Variants in BATF2 observed in about 807,000 individuals in gnomAD.
BATF2 encodes basic leucine zipper ATF-like transcription factor 2.
In BATF2, 4 loss-of-function variants were observed where a neutral mutation model predicts 7.3. The observed-to-expected ratio is 0.55, with a 90% CI of 0.27 to 1.26. BATF2 has a LOEUF of 1.26. Ranked by LOEUF, BATF2 falls within the 50% of genes most tolerant of loss-of-function variation. The probability of loss-of-function intolerance (pLI) is 0.11; values close to 1 mark genes in which losing one functional copy is unlikely to be tolerated. For missense variants in BATF2, 295 were observed against 340.5 expected (o/e 0.87, Z 1.05); for synonymous variants, 152 against 153.9 (o/e 0.99, Z 0.09).
chr11:64,989,051 A>T lies in BATF2; in HGVS notation c.*78T>A. Reference sequence around the variant, plus strand: ...TCAGCCACGCAGGGCAGCACCCAGTAGTGAGGGAGGAGAGGCCCGTGTGCT... The same window carrying T: ...TCAGCCACGCAGGGCAGCACCCAGTTGTGAGGGAGGAGAGGCCCGTGTGCT... On this transcript the variant is annotated 3_prime_UTR_variant, in exon 3 of 3. Transcript: ENST00000301887. The surrounding 1 kb of genome is among the most constrained non-coding windows in gnomAD (Gnocchi z 4.3). 6.7e-7 allele frequency: 1 copy of T among 1,501,704 alleles called. No individual in the cohort carries two copies. The highest frequency in any genetic ancestry group is 9.3e-7 in the Non-Finnish European group (1 of 1,079,338). 93.0% of individuals were successfully genotyped at this position (1,501,704 alleles called of 1,614,324 possible). A position where few individuals can be genotyped will look rare whatever the true frequency, so the allele number is the denominator to read the frequency against.
At chr11:64,990,284 C>A in intron 2 of BATF2, 1 of 1,506,960 alleles carries the variant, frequency 6.6e-7, no homozygotes, top group South Asian at 1.3e-5. Context: ...TGCTCCCCTC[C>A]CTTCCTGACC....
intron 2 of BATF2, among the ~76,000 whole-genome samples, chr11:64,990,782 G>A (rs1021979728): frequency 3.3e-5 from 5 of 152,188 alleles, no homozygotes; most frequent in African/African-American, 1.2e-4. Context: ...ATGTGGTTTT[G>A]GCCCTGGACT....
chr11:64,988,804 C>T lies in BATF2; in HGVS notation c.*325G>A, dbSNP rs1256263834. On this transcript the variant is annotated 3_prime_UTR_variant, in exon 3 of 3. Transcript: ENST00000301887. ...TGGGCCAGGACAGGAGAAGGAGGAG[C>T]AGAGGGTGGTGTTTCGGGCTCCAAG... 2 of 361,134 alleles carry T rather than the reference C, an allele frequency of 5.5e-6. No individual in the cohort carries two copies. Among genetic ancestry groups the T allele is most frequent in the African/African-American group, 2.1e-5 (1 of 47,778 alleles). 22.4% of individuals were successfully genotyped at this position (361,134 alleles called of 1,614,324 possible). A position where few individuals can be genotyped will look rare whatever the true frequency, so the allele number is the denominator to read the frequency against.
In BATF2 at chr11:64,989,987, G is replaced by A; in HGVS notation, c.142-175C>T. Reference sequence around the variant, plus strand: ...CCAGCCCTTCATAACCACCTACCAAGTCTCCCCTGTCCCACCCTCTGAAGG... The same window carrying A: ...CCAGCCCTTCATAACCACCTACCAAATCTCCCCTGTCCCACCCTCTGAAGG... On this transcript the variant is annotated intron_variant, in intron 2 of 2. Coordinates refer to ENST00000301887, the MANE Select transcript of BATF2 (RefSeq NM_138456.4). The surrounding 1 kb of genome is among the most constrained non-coding windows in gnomAD (Gnocchi z 4.3). 6.6e-7 allele frequency: 1 copy of A among 1,506,302 alleles called. No individual in the cohort carries two copies. The highest frequency in any genetic ancestry group is 1.2e-5 in the South Asian group (1 of 83,286). 93.3% of individuals were successfully genotyped at this position (1,506,302 alleles called of 1,614,324 possible). A position where few individuals can be genotyped will look rare whatever the true frequency, so the allele number is the denominator to read the frequency against.
rs1590719439 is a variant in BATF2, at chr11:64,989,342, G to C, written c.612C>G (p.Ala204=). 6.4e-7 allele frequency: 1 copy of C among 1,572,190 alleles called. No individual in the cohort carries two copies. The highest frequency in any genetic ancestry group is 2.2e-5 in the East Asian group (1 of 44,568). Residue 204 remains alanine, a synonymous_variant, in exon 3 of 3, where the codon GCC becomes GCG. Coordinates refer to ENST00000301887, the MANE Select transcript of BATF2 (RefSeq NM_138456.4). This position sits in a 1 kb window ranked among gnomAD's most constrained non-coding sequence, Gnocchi z 4.3. ...GCTCCAGCTCGAGGGGCTGTGGAGGGGCAGTTTGGGCCGTGAGGCTGGGCT... is the reference window on the plus strand; with the variant it reads ...GCTCCAGCTCGAGGGGCTGTGGAGGCGCAGTTTGGGCCGTGAGGCTGGGCT... ...ALQPSLTAQT[A]PPQPLELEHP...
Position 64,989,798 on chromosome 11 carries a change from CAG to C in BATF2, c.154_155del (p.Leu52GlyfsTer29), listed in dbSNP as rs1490659962. 3.2e-5 allele frequency: 51 copies of C among 1,613,662 alleles called. No individual in the cohort carries two copies. Among genetic ancestry groups the C allele is most frequent in the Non-Finnish European group, 4.2e-5 (50 of 1,180,018 alleles). On this transcript the variant is annotated frameshift_variant, in exon 3 of 3. Coordinates refer to ENST00000301887, the MANE Select transcript of BATF2 (RefSeq NM_138456.4). LOFTEE classifies it low-confidence loss of function (END_TRUNC). The surrounding 1 kb of genome is among the most constrained non-coding windows in gnomAD (Gnocchi z 4.3). ...TCCGCAGGGCGAGGTTGTCTTTTTC[CAG>C]AGACTCGTGCTGCTGCAGAGAAGCA... ...ADALHQQHES[L>X]EKDNLALRKE...
In BATF2 at chr11:64,989,208, C is replaced by T. The variant is rs942690688; in HGVS notation, c.746G>A (p.Trp249Ter). ...GCTGGGATCCACAACCAGCCCTTGCCAAGTGGCTGCTGAGAGAGCAGGTTT... is the reference window on the plus strand; with the variant it reads ...GCTGGGATCCACAACCAGCCCTTGCTAAGTGGCTGCTGAGAGAGCAGGTTT... ...EHKPALSAATWQGLVVDPSPH... is the reference protein window; with the variant it reads ...EHKPALSAAT Residue 249 changes from tryptophan (W) to a stop codon, truncating the protein, a stop_gained, in exon 3 of 3, where the codon TGG (tryptophan) becomes TAG (stop). Transcript: ENST00000301887. LOFTEE classifies it low-confidence loss of function (END_TRUNC). This position sits in a 1 kb window ranked among gnomAD's most constrained non-coding sequence, Gnocchi z 4.3. 1.9e-6 allele frequency: 3 copies of T among 1,613,942 alleles called. No homozygotes were observed. In the African/African-American group the frequency reaches 4.0e-5, roughly 22 times the overall value.
chr11:64,995,357 G>A (rs1482274651), intron 1 of BATF2, among the ~76,000 whole-genome samples: 8 of 152,166 alleles, frequency 5.3e-5, no homozygotes, highest in Non-Finnish European at 2.9e-5. Flanking sequence ...GTGGTTCTCT[G>A]TGCTCATGCC....
rs1590719139 is a variant in BATF2, at chr11:64,988,823, C to T, written c.*306G>A. 1 of 398,112 alleles carries T rather than the reference C, an allele frequency of 2.5e-6. No individual in the cohort carries two copies. Among genetic ancestry groups the T allele is most frequent in the East Asian group, 5.1e-5 (1 of 19,672 alleles). 24.7% of individuals were successfully genotyped at this position (398,112 alleles called of 1,614,324 possible). A position where few individuals can be genotyped will look rare whatever the true frequency, so the allele number is the denominator to read the frequency against. The stretch of plus-strand genomic sequence containing the variant: ...GAGGAGCAGAGGGTGGTGTTTCGGG[C>T]TCCAAGAAAGTCTTCGTGACCTTGG... On this transcript the variant is annotated 3_prime_UTR_variant, in exon 3 of 3. Transcript: ENST00000301887.
chr11:64,993,152 G>A (rs1400251537), intron 2 of BATF2, among the ~76,000 whole-genome samples: 1 of 152,196 alleles, frequency 6.6e-6, no homozygotes, highest in Non-Finnish European at 1.5e-5. Flanking sequence ...TTAAAGCCAG[G>A]AGTTTGAGAC....
At chr11:64,990,154 G>T (rs1257655421) in intron 2 of BATF2, 1 of 1,535,594 alleles carries the variant, frequency 6.5e-7, no homozygotes. Context: ...CAGCAACCAT[G>T]TCATTAATTG....
At chr11:64,991,813 C>T (rs565424729) in intron 2 of BATF2, among the ~76,000 whole-genome samples, 13 of 152,166 alleles carry the variant, frequency 8.5e-5, no homozygotes, top group South Asian at 2.1e-4. Flanking sequence ...ACACGGGAGA[C>T]GCTCAATAAG....
chr11:64,989,103 G>C lies in BATF2; in HGVS notation c.*26C>G. On this transcript the variant is annotated 3_prime_UTR_variant, in exon 3 of 3. Transcript: ENST00000301887. The surrounding 1 kb of genome is among the most constrained non-coding windows in gnomAD (Gnocchi z 4.3). ...AGGCTGCTTCCTGAGCCCAAAGAAG[G>C]GGCCAACCCAGCTCCGAAGACCAGG... The C allele has an allele frequency of 6.2e-7, 1 of 1,613,026 alleles. No individual in the cohort carries two copies. Among genetic ancestry groups the C allele is most frequent in the African/African-American group, 1.3e-5 (1 of 75,002 alleles).
chr11:64,990,710 GT>G (rs1266894695), intron 2 of BATF2: 2 of 745,136 alleles, frequency 2.7e-6, no homozygotes, highest in East Asian at 2.6e-4. Context: ...ACTTCCTTCA[GT>G]CCCCCACCCC....
intron 2 of BATF2, among the ~76,000 whole-genome samples, chr11:64,991,083 C>T (rs1006456627): frequency 6.6e-6 from 1 of 151,296 alleles, no homozygotes; most frequent in African/African-American, 2.4e-5. Flanking sequence ...AGCCACCGCG[C>T]CCGGCCCTGG....
chr11:64,989,719 C>A lies in BATF2; in HGVS notation c.235G>T (p.Val79Leu). 1 of 1,613,978 alleles carries A rather than the reference C, an allele frequency of 6.2e-7. No individual in the cohort carries two copies. Among genetic ancestry groups the A allele is most frequent in the Non-Finnish European group, 8.5e-7 (1 of 1,179,988 alleles). Residue 79 changes from valine to leucine, a missense_variant, in exon 3 of 3, where the codon GTG becomes TTG. Transcript: ENST00000301887. The surrounding 1 kb of genome is among the most constrained non-coding windows in gnomAD (Gnocchi z 4.3). Reference sequence around the variant, plus strand: ...TCCATGGGGCACAGGCGCTCATGCACGTGCAGGGTCCGGCTCCACCACGCC... The same window carrying A: ...TCCATGGGGCACAGGCGCTCATGCAAGTGCAGGGTCCGGCTCCACCACGCC... ...ELAWWSRTLH[V>L]HERLCPMDCA...
At chr11:64,996,328 C>G (rs778426885) in intron 1 of BATF2, among the ~76,000 whole-genome samples, 2 of 152,166 alleles carry the variant, frequency 1.3e-5, no homozygotes, top group Non-Finnish European at 2.9e-5. Flanking sequence ...ATGAGCTCAG[C>G]TTACTGCAAC....
intron 2 of BATF2, among the ~76,000 whole-genome samples, chr11:64,990,979 AC>A (rs1946071614): frequency 6.6e-6 from 1 of 150,796 alleles, no homozygotes; most frequent in African/African-American, 2.4e-5. Flanking sequence ...TTTAGTAGAG[AC>A]GGGGTTTCAC....
In BATF2 at chr11:64,989,659, A is replaced by C; in HGVS notation, c.295T>G (p.Cys99Gly). The C allele has an allele frequency of 1.9e-6, 3 of 1,613,568 alleles. No individual in the cohort carries two copies. The highest frequency in any genetic ancestry group is 2.5e-6 in the Non-Finnish European group (3 of 1,179,870). ...AGGAGCCCCTCAGCCTGGTCCCAGC[A>C]GCCCAGGAGCCCTGGAGCTGAGCAG... ...ASCSAPGLLG[C>G]WDQAEGLLGP... The change falls in exon 3 of 3, where the codon TGC (cysteine) becomes GGC (glycine). Residue 99 changes from cysteine to glycine, a missense_variant. Physicochemically the swap from Cys to Gly is radical, Grantham distance 159 (BLOSUM62 -3). Transcript: ENST00000301887. The surrounding 1 kb of genome is among the most constrained non-coding windows in gnomAD (Gnocchi z 4.3).
Sources: gnomAD v4.1 joint callset for allele counts (sites outside exome capture counted in the v4.1 genomes callset) on GRCh38, gnomAD v4.1.1 for gene constraint, Gnocchi (gnomAD v3.1) non-coding constraint, MANE v1.5 for transcripts, NCBI Gene and HGNC (gene_info 2026-07-23, HGNC 2026-07-21) for gene names.